Variants in NWD2 observed in about 807,000 individuals in gnomAD.
The protein encoded by NWD2 is NACHT and WD repeat domain containing 2, also known as NACHT and WD repeat domain-containing protein 2.
NWD2 carries 37 observed loss-of-function variants against 132.7 expected under a neutral mutation model. That is an observed-to-expected ratio of 0.28 (90% CI 0.21 to 0.37). The LOEUF is 0.37. Among genes scored for constraint, NWD2 ranks in the 10% least tolerant of loss-of-function variants. NWD2 has a pLI of 1.00. For missense variants in NWD2, 1,592 were observed against 2,122.4 expected, an observed-to-expected ratio of 0.75 and a Z score of 4.91; for synonymous variants, 705 against 803.0, an observed-to-expected ratio of 0.88 and a Z score of 2.06.
At position 37,333,329 on chromosome 4, in the gene NWD2, A is replaced by G. The variant is rs374177467; in HGVS notation, c.240+7305A>G. ...TTCCTGTCTAACCTAGCATAGTCCC[A>G]GTGGTGGTCATAAGGATGCTTGTGT... On this transcript the variant is annotated intron_variant, in intron 2 of 6. Coordinates refer to ENST00000309447, the MANE Select transcript of NWD2 (RefSeq NM_001144990.2). Among the ~76,000 whole-genome samples, 31 of 152,316 alleles carry G rather than the reference A, an allele frequency of 2.0e-4. No individual in the cohort carries two copies. In the South Asian group the frequency reaches 3.1e-3, roughly 15 times the overall value.
rs1417535199 is a variant in NWD2 at position 37,389,122 on chromosome 4, G to A, written c.357+32640G>A. Among the ~76,000 whole-genome samples the A allele has an allele frequency of 3.3e-5, 5 of 152,224 alleles. No individual in the cohort carries two copies. In the South Asian group the frequency reaches 1.0e-3, roughly 31 times the overall value. ...ACATTTGCCCAAAGGGAGGAATGAA[G>A]CAAAGGAGTTAGCAATGCAAAAGCC... On this transcript the variant is annotated intron_variant, in intron 3 of 6. Coordinates refer to ENST00000309447, the MANE Select transcript of NWD2 (RefSeq NM_001144990.2).
At chr4:37,358,775 T>G (rs773807976) in intron 3 of NWD2, among the ~76,000 whole-genome samples, 4 of 152,248 alleles carry the variant, frequency 2.6e-5, no homozygotes, top group Non-Finnish European at 4.4e-5. Context: ...TTGTTTCTTA[T>G]TGTGTATTAT....
intron 1 of NWD2, among the ~76,000 whole-genome samples, chr4:37,311,170 A>G (rs1718833601): frequency 6.6e-6 from 1 of 152,136 alleles, no homozygotes; most frequent in Non-Finnish European, 1.5e-5. Flanking sequence ...GGCTGGGTCA[A>G]ATGGTATTTC....
At chr4:37,353,602 A>G (rs1003775281) in intron 2 of NWD2, among the ~76,000 whole-genome samples, 23 of 151,676 alleles carry the variant, frequency 1.5e-4, no homozygotes, top group South Asian at 4.2e-4. Context: ...TTGATCTTCA[A>G]TCTCTGATAT....
chr4:37,416,373 A>G (rs1156894596), intron 3 of NWD2, among the ~76,000 whole-genome samples: 2 of 152,102 alleles, frequency 1.3e-5, no homozygotes, highest in Non-Finnish European at 2.9e-5. Context: ...ATAAATATAC[A>G]TTGGTATCAT....
chr4:37,377,935 G>A (rs1720377359), intron 3 of NWD2, among the ~76,000 whole-genome samples: 1 of 152,014 alleles, frequency 6.6e-6, no homozygotes, highest in Non-Finnish European at 1.5e-5. Context: ...TGAAGTGATG[G>A]ATTTTTTTAA....
chr4:37,377,020 A>G (rs1720360853), intron 3 of NWD2, among the ~76,000 whole-genome samples: 1 of 152,216 alleles, frequency 6.6e-6, no homozygotes, highest in Admixed American at 6.5e-5. Flanking sequence ...CTAGCCTCTG[A>G]AACATTTTAT....
intron 3 of NWD2, among the ~76,000 whole-genome samples, chr4:37,389,507 C>T (rs982626347): frequency 3.3e-5 from 5 of 152,194 alleles, no homozygotes; most frequent in African/African-American, 9.7e-5. Context: ...CATCCTTCCC[C>T]TCTGCTGGCT....
chr4:37,404,853 A>G (rs139114924), intron 3 of NWD2, among the ~76,000 whole-genome samples: 103 of 152,304 alleles, frequency 6.8e-4, no homozygotes, highest in African/African-American at 2.3e-3. Flanking sequence ...CTACACACTT[A>G]TAAACAACCA....
intron 3 of NWD2, among the ~76,000 whole-genome samples, chr4:37,401,607 C>T (rs1035059957): frequency 5.9e-5 from 9 of 152,100 alleles, no homozygotes; most frequent in Admixed American, 2.0e-4. Context: ...TTAAAATACA[C>T]GTGTGATTAT....
intron 1 of NWD2, among the ~76,000 whole-genome samples, chr4:37,313,794 G>A (rs1718901728): frequency 1.3e-5 from 2 of 150,950 alleles, no homozygotes; most frequent in Non-Finnish European, 2.9e-5. Flanking sequence ...TGCCTCCCGG[G>A]TTCAAGTGAT....
intron 3 of NWD2, among the ~76,000 whole-genome samples, chr4:37,385,229 A>T (rs1419365047): frequency 6.6e-6 from 1 of 152,076 alleles, no homozygotes; most frequent in Non-Finnish European, 1.5e-5. Flanking sequence ...TCCCAATAAC[A>T]GATATTGGGA....
At chr4:37,276,941 A>G (rs1718030074) in intron 1 of NWD2, among the ~76,000 whole-genome samples, 1 of 151,970 alleles carries the variant, frequency 6.6e-6, no homozygotes. Flanking sequence ...CAATGAGAAC[A>G]CATGGACACA....
intron 1 of NWD2, among the ~76,000 whole-genome samples, chr4:37,273,621 A>T (rs1717922892): frequency 6.6e-6 from 1 of 152,208 alleles, no homozygotes; most frequent in African/African-American, 2.4e-5. Context: ...AAATCAACAG[A>T]ATATACATTC....
rs886086815 is a variant in NWD2 at position 37,244,990 on chromosome 4, C to G, written c.-78C>G. ...TGCTGAGATCGACCGCCTGCTGAGC[C>G]GTTCCGTGGAGCTGCGGGCAGGAAC... On this transcript the variant is annotated 5_prime_UTR_variant, in exon 1 of 7. Transcript: ENST00000309447. This position sits in a 1 kb window ranked among gnomAD's most constrained non-coding sequence, Gnocchi z 5.5. The G allele has an allele frequency of 6.6e-7, 1 of 1,521,986 alleles. No homozygotes were observed. Among genetic ancestry groups the G allele is most frequent in the African/African-American group, 1.4e-5 (1 of 72,266 alleles). The allele number at this position is 1,521,986 out of a possible 1,614,324, so 94.3% of individuals were successfully genotyped here. A position where few individuals can be genotyped will look rare whatever the true frequency, so the allele number is the denominator to read the frequency against.
intron 2 of NWD2, among the ~76,000 whole-genome samples, chr4:37,343,789 T>G (rs1355309032): frequency 2.0e-5 from 3 of 152,212 alleles, no homozygotes; most frequent in Admixed American, 1.3e-4. Context: ...TCTCTCTTTT[T>G]AGAAAAAATT....
intron 3 of NWD2, among the ~76,000 whole-genome samples, chr4:37,413,513 A>G (rs985572284): frequency 1.9e-4 from 29 of 152,224 alleles, no homozygotes; most frequent in African/African-American, 6.8e-4. Context: ...ATGCTTTTAC[A>G]CTATTGGTGA....
intron 1 of NWD2, among the ~76,000 whole-genome samples, chr4:37,252,840 C>G (rs776836252): frequency 6.6e-6 from 1 of 152,154 alleles, no homozygotes; most frequent in Non-Finnish European, 1.5e-5. Context: ...GCTTGGAAGT[C>G]CCAGAATGTT....
intron 3 of NWD2, among the ~76,000 whole-genome samples, chr4:37,385,838 T>C (rs1216871833): frequency 1.3e-5 from 2 of 152,234 alleles, no homozygotes; most frequent in Non-Finnish European, 2.9e-5. Flanking sequence ...TAATAATGTC[T>C]ACCAAGTGCT....
Sources: allele counts gnomAD v4.1 joint callset (sites outside exome capture counted in the v4.1 genomes callset), GRCh38; gene constraint gnomAD v4.1.1; non-coding constraint Gnocchi (gnomAD v3.1); transcripts MANE v1.5; gene names NCBI Gene and HGNC (gene_info 2026-07-23, HGNC 2026-07-21).